The following ITGAD variants were observed in gnomAD, a reference collection of about 807,000 sequenced individuals.
ITGAD encodes integrin alpha-D.
Under a neutral mutation model 139.0 loss-of-function variants are expected in ITGAD, and 105 were observed. The ratio of observed to expected loss-of-function variants is 0.76; its 90% confidence interval spans 0.65 to 0.89. ITGAD has a LOEUF of 0.89. ITGAD is among the 40% of genes least tolerant of loss of function. The pLI, the probability that ITGAD is intolerant of heterozygous loss-of-function variation, is 0.00. For synonymous variants in ITGAD, 569 were observed against 598.3 expected (o/e 0.95, Z 0.71); for missense variants, 1,384 against 1,487.3 (o/e 0.93, Z 1.14).
At position 31,403,891 on chromosome 16, in the gene ITGAD, ACCCCAGGACCCCTC is replaced by A; in HGVS notation, c.704+250_704+263del. On this transcript the variant is annotated intron_variant, in intron 7 of 29. Transcript: ENST00000389202. The surrounding 1 kb of genome is among the most constrained non-coding windows in gnomAD (Gnocchi z 4.4). ...CTTTGCCTGGTTCTGCAGAGCCTGG[ACCCCAGGACCCCTC>A]CCCACCCCACAGCAGCCAGAGGCCC... 1 of 494,364 alleles carries A rather than the reference ACCCCAGGACCCCTC, an allele frequency of 2.0e-6. No individual in the cohort carries two copies. 30.6% of individuals were successfully genotyped at this position (494,364 alleles called of 1,614,324 possible). A position where few individuals can be genotyped will look rare whatever the true frequency, so the allele number is the denominator to read the frequency against.
intron 7 of ITGAD, among the ~76,000 whole-genome samples, chr16:31,407,308 C>T (rs1332622658): frequency 6.6e-6 from 1 of 152,176 alleles, no homozygotes; most frequent in Non-Finnish European, 1.5e-5. Flanking sequence ...GAGTGGAGAT[C>T]ACGCCACTGC....
rs1192623828 is a variant in ITGAD at position 31,411,390 on chromosome 16, T to TG, written c.1585dup (p.Asp529GlyfsTer4). 1 of 1,613,824 alleles carries TG rather than the reference T, an allele frequency of 6.2e-7. No individual in the cohort carries two copies. Among genetic ancestry groups the TG allele is most frequent in the Non-Finnish European group, 8.5e-7 (1 of 1,179,974 alleles). On this transcript the variant is annotated frameshift_variant, in exon 14 of 30. Transcript: ENST00000389202. LOFTEE classifies it high-confidence loss of function. ...CGCTTTGGGGCAGCCCTGACAGTGTTGGGGGATGTGAATGAGGACAAGCTG... is the reference window on the plus strand; with the variant it reads ...CGCTTTGGGGCAGCCCTGACAGTGTTGGGGGGATGTGAATGAGGACAAGCTG...
At chr16:31,425,939 C>T in intron 29 of ITGAD, 76 bp from the exon 30 acceptor site, 1 of 926,498 alleles carries the variant, frequency 1.1e-6, no homozygotes, top group Admixed American at 1.9e-5. Context: ...CCTCAGCTTC[C>T]CACAGTGCTG....
chr16:31,402,007 A>C, intron 5 of ITGAD, 108 bp from the exon 6 acceptor site: 1 of 1,286,544 alleles, frequency 7.8e-7, no homozygotes, highest in Non-Finnish European at 1.1e-6. Context: ...AGGGGTCGGA[A>C]ACTAGGTGGG....
At chr16:31,401,971 G>A in intron 5 of ITGAD, 144 bp from the exon 6 acceptor site, 1 of 870,946 alleles carries the variant, frequency 1.1e-6, no homozygotes, top group African/African-American at 1.7e-5. Context: ...GGGGGCTGGG[G>A]TGGCAGACTG....
chr16:31,416,285 G>C lies in ITGAD; in HGVS notation c.2356G>C (p.Gly786Arg). The part of the protein sequence containing the change: ...GDLGVTLSFS[G>R]LQTLTVGSSL... The stretch of plus-strand genomic sequence containing the variant: ...CCTGGGTGTCACCCTCAGCTTCTCA[G>C]GGTGAGCTGTAACTCCCTTCATATC... The change falls in exon 19 of 30, where the codon GGC (glycine) becomes CGC (arginine). Residue 786 changes from glycine (G) to arginine (R), a missense_variant and splice_region_variant. Transcript: ENST00000389202. 1 of 1,599,664 alleles carries C rather than the reference G, an allele frequency of 6.3e-7. No homozygotes were observed. Among genetic ancestry groups the C allele is most frequent in the East Asian group, 2.3e-5 (1 of 44,444 alleles).
rs1359398657 is a variant in ITGAD at position 31,424,309 on chromosome 16, G to T, written c.3261+106G>T. ...CAAGCCTTGCGGGAGGAGGGTGAAA[G>T]TCTCTGGGCAGGACAGCTGTCCCTA... is the stretch of plus-strand genomic sequence containing the variant. On this transcript the variant is annotated intron_variant, in intron 28 of 29. Coordinates refer to ENST00000389202, the MANE Select transcript of ITGAD (RefSeq NM_005353.3). The T allele has an allele frequency of 2.8e-6, 4 of 1,422,132 alleles. No individual in the cohort carries two copies. In the Admixed American group the frequency reaches 7.1e-5, roughly 25 times the overall value. The allele number at this position is 1,422,132 out of a possible 1,614,324, so 88.1% of individuals were successfully genotyped here. A position where few individuals can be genotyped will look rare whatever the true frequency, so the allele number is the denominator to read the frequency against.
chr16:31,409,985 A>G (rs1292927252), intron 10 of ITGAD, among the ~76,000 whole-genome samples: 1 of 151,846 alleles, frequency 6.6e-6, no homozygotes, highest in East Asian at 1.9e-4. Flanking sequence ...GTCCCAGAAA[A>G]CAAGAAGGGG....
Position 31,418,388 on chromosome 16 carries a change from C to T in ITGAD, c.2696+8C>T. 6.2e-7 allele frequency: 1 copy of T among 1,613,600 alleles called. No individual in the cohort carries two copies. The highest frequency in any genetic ancestry group is 1.3e-5 in the African/African-American group (1 of 75,018). ...GAGGGCCAGTGCAAGCAGGTGGGTC[C>T]AGGCCAGGGTATCCCCCACCCTCCA... On this transcript the variant is annotated splice_region_variant and intron_variant, in intron 22 of 29. Transcript: ENST00000389202.
chr16:31,402,272 G>A, intron 6 of ITGAD, 27 bp downstream of exon 6: 4 of 376,906 alleles, frequency 1.1e-5, no homozygotes, highest in African/African-American at 2.6e-5. Flanking sequence ...TGGGGCTGGG[G>A]TTTGGGGGAC....
At chr16:31,423,670 C>T in intron 26 of ITGAD, 22 bp downstream of exon 26, 1 of 1,604,398 alleles carries the variant, frequency 6.2e-7, no homozygotes, top group African/African-American at 1.3e-5. Flanking sequence ...CCTGAACCCC[C>T]ACCGCCAAGA....
At chr16:31,405,672 T>C (rs994366021) in intron 7 of ITGAD, among the ~76,000 whole-genome samples, 2 of 141,912 alleles carry the variant, frequency 1.4e-5, no homozygotes, top group African/African-American at 5.3e-5. Flanking sequence ...GAGACAGGTC[T>C]CACTCTGTCT....
chr16:31,396,269 C>T (rs922130453), intron 2 of ITGAD, among the ~76,000 whole-genome samples: 2 of 152,160 alleles, frequency 1.3e-5, no homozygotes, highest in Non-Finnish European at 1.5e-5. Flanking sequence ...GTCAAGAGTT[C>T]AAGACCAGCC....
In ITGAD at chr16:31,418,273, C is replaced by G. The variant is rs183094125; in HGVS notation, c.2617-28C>G. On this transcript the variant is annotated intron_variant, in intron 21 of 29. Coordinates refer to ENST00000389202, the MANE Select transcript of ITGAD (RefSeq NM_005353.3). ...CACTCTGCCATGCCCTTCCTTTTAT[C>G]CCCATTCTTTCCTTCTTCTTCCCTC... The G allele has an allele frequency of 5.0e-6, 8 of 1,609,712 alleles. No homozygotes were observed. In the South Asian group the frequency reaches 7.7e-5, roughly 15 times the overall value.
chr16:31,419,189 T>C (rs1242696533), intron 23 of ITGAD, among the ~76,000 whole-genome samples: 1 of 149,790 alleles, frequency 6.7e-6, no homozygotes, highest in East Asian at 2.0e-4. Context: ...CAAGATTCTG[T>C]CTCAAACAAA....
intron 7 of ITGAD, among the ~76,000 whole-genome samples, chr16:31,405,162 T>G (rs1305752809): frequency 6.6e-6 from 1 of 152,112 alleles, no homozygotes; most frequent in East Asian, 1.9e-4. Context: ...ATGTTTGTAT[T>G]TTTAGTAGAG....
intron 2 of ITGAD, 137 bp from the exon 3 acceptor site, chr16:31,397,222 T>C (rs2081286427): frequency 1.6e-6 from 1 of 639,232 alleles, no homozygotes; most frequent in Admixed American, 2.6e-5. Flanking sequence ...TTCTGAATAT[T>C]CTGCCAAGTG....
intron 7 of ITGAD, among the ~76,000 whole-genome samples, chr16:31,406,325 G>C (rs577277026): frequency 7.2e-5 from 11 of 152,128 alleles, no homozygotes; most frequent in Non-Finnish European, 1.5e-4. Context: ...CTCCCACTTT[G>C]GCTTCCCAAA....
At chr16:31,425,387 A>T (rs1253126177) in intron 29 of ITGAD, among the ~76,000 whole-genome samples, 1 of 152,124 alleles carries the variant, frequency 6.6e-6, no homozygotes, top group Non-Finnish European at 1.5e-5. Flanking sequence ...CATTTTTGAA[A>T]TGATAATAAT....
Sources: allele counts gnomAD v4.1 joint callset (sites outside exome capture counted in the v4.1 genomes callset), GRCh38; gene constraint gnomAD v4.1.1; non-coding constraint Gnocchi (gnomAD v3.1); transcripts MANE v1.5; gene names NCBI Gene and HGNC (gene_info 2026-07-23, HGNC 2026-07-21).